The following PDIA6 variants were observed in gnomAD, a reference collection of about 807,000 sequenced individuals.
PDIA6 encodes the protein protein disulfide-isomerase A6.
Under a neutral mutation model 58.4 loss-of-function variants are expected in PDIA6, and 29 were observed. The ratio of observed to expected loss-of-function variants is 0.50; its 90% CI spans 0.37 to 0.68. The LOEUF (loss-of-function observed/expected upper bound fraction) is 0.68. PDIA6 is among the 30% of genes least tolerant of loss of function. The pLI is 0.00. For missense variants in PDIA6, 480 were observed against 551.0 expected (o/e 0.87, Z 1.29); for synonymous variants, 192 against 202.6 (o/e 0.95, Z 0.44).
At chr2:10,811,736 C>T (rs1014543032) in intron 1 of PDIA6, among the ~76,000 whole-genome samples, 4 of 152,202 alleles carry the variant, frequency 2.6e-5, no homozygotes, top group African/African-American at 9.6e-5. Context: ...ACAGGACCCT[C>T]GGCCTCGCCC....
intron 1 of PDIA6, chr2:10,820,673 T>C (rs1200720862): frequency 4.5e-6 from 3 of 660,970 alleles, no homozygotes; most frequent in Admixed American, 2.3e-5. Flanking sequence ...AGGACTCTTT[T>C]GTCCTCACTA....
intron 4 of PDIA6, among the ~76,000 whole-genome samples, chr2:10,793,918 CT>C (rs1408098783): frequency 4.6e-5 from 7 of 152,148 alleles, no homozygotes; most frequent in Non-Finnish European, 1.0e-4. Flanking sequence ...TTCCAGGCTT[CT>C]TTTTTTCTAT....
In PDIA6 at chr2:10,790,450, C is replaced by T. The variant is rs138650274; in HGVS notation, c.699+269G>A. On this transcript the variant is annotated intron_variant, in intron 7 of 12. Coordinates refer to ENST00000272227, the MANE Select transcript of PDIA6 (RefSeq NM_005742.4). ...CTGCCCTAGAACAAATGGACCAACT[C>T]ACAACAGCCATATGAGCAACTTGAA... Among the ~76,000 whole-genome samples, 438 of 152,232 alleles carry T rather than the reference C, an allele frequency of 2.9e-3. 1 individual carries two copies. Among genetic ancestry groups the T allele is most frequent in the African/African-American group, 0.01 (419 of 41,538 alleles).
chr2:10,818,068 G>A (rs1169768008), intron 2 of PDIA6, among the ~76,000 whole-genome samples: 1 of 152,134 alleles, frequency 6.6e-6, no homozygotes, highest in African/African-American at 2.4e-5. Context: ...CAGATCATAG[G>A]TAGAGTCGAG....
chr2:10,817,063 G>T (rs147947859), upstream of PDIA6, among the ~76,000 whole-genome samples: 1 of 152,098 alleles, frequency 6.6e-6, no homozygotes, highest in African/African-American at 2.4e-5. Flanking sequence ...CACCTTTGCC[G>T]TTCTTTGCCG....
intron 11 of PDIA6, among the ~76,000 whole-genome samples, chr2:10,786,992 T>G (rs1336280476): frequency 6.6e-6 from 1 of 152,120 alleles, no homozygotes; most frequent in Non-Finnish European, 1.5e-5. Context: ...TATGAGACCT[T>G]TATGAGAATG....
upstream of PDIA6, among the ~76,000 whole-genome samples, chr2:10,816,576 C>T (rs1667204041): frequency 6.7e-6 from 1 of 150,238 alleles, no homozygotes; most frequent in South Asian, 2.1e-4. Flanking sequence ...ATTCCACCTC[C>T]CCACTTTTAA....
chr2:10,801,053 C>T (rs1167449585), intron 2 of PDIA6, among the ~76,000 whole-genome samples: 2 of 152,068 alleles, frequency 1.3e-5, no homozygotes, highest in Admixed American at 6.5e-5. Flanking sequence ...CCGAGACAGG[C>T]GAATTGCTTG....
At chr2:10,796,465 G>A (rs1473086758) in intron 4 of PDIA6, among the ~76,000 whole-genome samples, 1 of 149,500 alleles carries the variant, frequency 6.7e-6, no homozygotes, top group Non-Finnish European at 1.5e-5. Flanking sequence ...AGGAATTTGA[G>A]TCCAGGCTGG....
At chr2:10,820,046 G>A (rs2148575121) in intron 1 of PDIA6, among the ~76,000 whole-genome samples, 1 of 152,352 alleles carries the variant, frequency 6.6e-6, no homozygotes, top group South Asian at 2.1e-4. Context: ...AGACACTGAA[G>A]TCCAGAGGTG....
intron 1 of PDIA6, among the ~76,000 whole-genome samples, chr2:10,824,307 C>T (rs11694946): frequency 0.029 from 4,417 of 152,216 alleles, 215 homozygotes; most frequent in African/African-American, 0.099. Context: ...TCCCTGGGGG[C>T]AGCTTACATT....
intron 1 of PDIA6, among the ~76,000 whole-genome samples, chr2:10,822,502 T>C (rs1380929099): frequency 6.6e-6 from 1 of 152,126 alleles, no homozygotes. Context: ...GACCTCGTGA[T>C]CCACCCGCCT....
At chr2:10,826,042 A>G (rs974974589) in intron 1 of PDIA6, among the ~76,000 whole-genome samples, 1 of 152,274 alleles carries the variant, frequency 6.6e-6, no homozygotes, top group African/African-American at 2.4e-5. Context: ...AACATTATTC[A>G]TCATAATCAA....
upstream of PDIA6, chr2:10,812,811 G>A (rs925224809): frequency 8.4e-6 from 10 of 1,191,922 alleles, no homozygotes; most frequent in Middle Eastern, 3.2e-4. Context: ...GGTGGTCCGA[G>A]GGGCGGCCGC....
At chr2:10,785,299 A>G (rs1025906543) in intron 11 of PDIA6, among the ~76,000 whole-genome samples, 5 of 152,242 alleles carry the variant, frequency 3.3e-5, no homozygotes, top group Non-Finnish European at 7.3e-5. Flanking sequence ...ATAGCAGAGC[A>G]TTTGCTGAAA....
intron 3 of PDIA6, 65 bp downstream of exon 3, chr2:10,797,635 G>T: frequency 9.3e-7 from 1 of 1,079,060 alleles, no homozygotes; most frequent in Non-Finnish European, 1.4e-6. Flanking sequence ...AGGTGAATAT[G>T]GACATCTTAG....
At chr2:10,785,687 T>C (rs1220861506) in intron 11 of PDIA6, among the ~76,000 whole-genome samples, 1 of 152,216 alleles carries the variant, frequency 6.6e-6, no homozygotes, top group Non-Finnish European at 1.5e-5. Flanking sequence ...CATGATTTAA[T>C]AAATACTACT....
chr2:10,813,710 A>G (rs1420296382), upstream of PDIA6, among the ~76,000 whole-genome samples: 4 of 151,918 alleles, frequency 2.6e-5, no homozygotes, highest in African/African-American at 7.3e-5. Context: ...GTCTTGGCTC[A>G]CTGCAACCTC....
At chr2:10,827,897 CTTTTTA>C (rs1667594825) in intron 1 of PDIA6, among the ~76,000 whole-genome samples, 1 of 150,696 alleles carries the variant, frequency 6.6e-6, no homozygotes, top group African/African-American at 2.4e-5. Context: ...AAAGTTTAAT[CTTTTTA>C]TTTTTATTTT....
Sources: gnomAD v4.1 joint callset for allele counts (sites outside exome capture counted in the v4.1 genomes callset) on GRCh38, gnomAD v4.1.1 for gene constraint, MANE v1.5 for transcripts, NCBI Gene and HGNC (gene_info 2026-07-23, HGNC 2026-07-21) for gene names.